The following RGS6 variants were observed in gnomAD, a reference collection of about 807,000 sequenced individuals.
RGS6 encodes the protein regulator of G protein signaling 6, also known as regulator of G-protein signaling 6.
RGS6 carries 30 observed loss-of-function variants against 78.5 expected under a neutral mutation model. The observed-to-expected ratio is 0.38, with a 90% CI of 0.29 to 0.52. The LOEUF (loss-of-function observed/expected upper bound fraction) is 0.52. Ranked by LOEUF, RGS6 falls within the 20% of genes least tolerant of loss-of-function variation. RGS6 has a pLI of 0.85. For synonymous variants in RGS6, 206 were observed against 206.0 expected, an observed-to-expected ratio of 1.00 and a Z score of 0.00; for missense variants, 495 against 609.7, an observed-to-expected ratio of 0.81 and a Z score of 1.98.
At chr14:72,468,000 A>G (rs1191276103) in intron 7 of RGS6, among the ~76,000 whole-genome samples, 1 of 152,152 alleles carries the variant, frequency 6.6e-6, no homozygotes, top group Non-Finnish European at 1.5e-5. Context: ...AATGTTTTGG[A>G]AAAAGGTCCC....
chr14:72,385,995 T>G (rs1376610188), intron 3 of RGS6, among the ~76,000 whole-genome samples: 2 of 152,112 alleles, frequency 1.3e-5, no homozygotes, highest in East Asian at 3.9e-4. Flanking sequence ...TGCTGGGGGC[T>G]GGATAAACCT....
chr14:72,445,061 TTTACC>T lies in RGS6; in HGVS notation c.185-9464_185-9460del, dbSNP rs150561928. Reference sequence around the variant, plus strand: ...AGCCTGGAGGTAAAGAGCTGAAGACTTTACCTTTCCTTCTGCCTGCTGTCCTCTTC... The same window carrying T: ...AGCCTGGAGGTAAAGAGCTGAAGACTTTTCCTTCTGCCTGCTGTCCTCTTC... On this transcript the variant is annotated intron_variant, in intron 3 of 17. Transcript: ENST00000553525. Among the ~76,000 whole-genome samples the T allele has an allele frequency of 2.6e-3, 403 of 152,348 alleles. 2 individuals are homozygous for T. Among genetic ancestry groups the T allele is most frequent in the African/African-American group, 9.4e-3 (391 of 41,584 alleles).
intron 2 of RGS6, among the ~76,000 whole-genome samples, chr14:72,171,500 C>A (rs2097018050): frequency 6.6e-6 from 1 of 152,202 alleles, no homozygotes; most frequent in African/African-American, 2.4e-5. Flanking sequence ...ACATAAGGTA[C>A]CACTGTGATC....
At chr14:72,003,414 G>C (rs557166606) in intron 2 of RGS6, among the ~76,000 whole-genome samples, 54 of 152,216 alleles carry the variant, frequency 3.5e-4, no homozygotes, top group African/African-American at 1.3e-3. Flanking sequence ...TCACAGTTTT[G>C]TGCAACTGTC....
chr14:72,428,250 G>A (rs529703814), intron 3 of RGS6, among the ~76,000 whole-genome samples: 1 of 152,302 alleles, frequency 6.6e-6, no homozygotes, highest in Admixed American at 6.5e-5. Flanking sequence ...CCAAGGATGA[G>A]GGGGAATTAG....
chr14:72,033,686 C>T (rs2091262716), intron 2 of RGS6, among the ~76,000 whole-genome samples: 1 of 152,168 alleles, frequency 6.6e-6, no homozygotes, highest in Non-Finnish European at 1.5e-5. Flanking sequence ...GAATACATAT[C>T]ACATTCACAC....
the RGS6 span, among the ~76,000 whole-genome samples, chr14:72,628,620 G>A: frequency 9.9e-5 from 15 of 151,970 alleles, no homozygotes; most frequent in Non-Finnish European, 2.2e-4. Context: ...CACCATCTAT[G>A]AAGTAGTCTT....
At chr14:72,189,481 G>A (rs949367631) in intron 2 of RGS6, among the ~76,000 whole-genome samples, 1 of 152,222 alleles carries the variant, frequency 6.6e-6, no homozygotes, top group South Asian at 2.1e-4. Context: ...TGGGAAATAG[G>A]ACTGTGTCAG....
the RGS6 span, among the ~76,000 whole-genome samples, chr14:71,876,473 C>CTTTTTTTTTTTTTTTTTTTTTTTTTT: frequency 1.4e-5 from 1 of 72,470 alleles, no homozygotes; most frequent in Admixed American, 1.9e-4. Flanking sequence ...GCAACCGCTG[C>CTTTTTTTTTTTTTTTTTTTTTTTTTT]TTTTTTTTTT....
chr14:71,978,241 G>T (rs996702157), intron 2 of RGS6, among the ~76,000 whole-genome samples: 5 of 132,858 alleles, frequency 3.8e-5, no homozygotes, highest in African/African-American at 5.4e-5. Flanking sequence ...TTTCCTAATT[G>T]AATACCCTTT....
At chr14:72,085,053 G>A (rs965104851) in intron 2 of RGS6, among the ~76,000 whole-genome samples, 1 of 152,134 alleles carries the variant, frequency 6.6e-6, no homozygotes, top group Non-Finnish European at 1.5e-5. Flanking sequence ...CAGCATGCAC[G>A]TGTGGTAATG....
At chr14:72,577,418 A>ACTG in the RGS6 span, among the ~76,000 whole-genome samples, 1 of 152,304 alleles carries the variant, frequency 6.6e-6, no homozygotes, top group Middle Eastern at 3.4e-3. Context: ...TCACCAGCTT[A>ACTG]GTGCCGACCA....
chr14:72,452,579 C>T (rs908731594), intron 3 of RGS6, among the ~76,000 whole-genome samples: 7 of 152,252 alleles, frequency 4.6e-5, no homozygotes, highest in African/African-American at 7.2e-5. Flanking sequence ...GGGCAATCCT[C>T]ATGAAGCCCC....
chr14:72,469,943 A>G, intron 7 of RGS6, 64 bp from the exon 8 acceptor site: 1 of 1,155,682 alleles, frequency 8.7e-7, no homozygotes. Flanking sequence ...TATAATAAGC[A>G]TAGGTGTCGA....
At chr14:72,373,239 G>A (rs926421414) in intron 3 of RGS6, among the ~76,000 whole-genome samples, 27 of 152,126 alleles carry the variant, frequency 1.8e-4, no homozygotes, top group Non-Finnish European at 2.9e-5. Context: ...ATGTCATAAG[G>A]GAAAAGTAAA....
chr14:72,122,956 A>C (rs2096090980), intron 2 of RGS6, among the ~76,000 whole-genome samples: 1 of 152,102 alleles, frequency 6.6e-6, no homozygotes, highest in Admixed American at 6.5e-5. Flanking sequence ...TTATGATCAC[A>C]GGGATAAGTT....
chr14:72,294,718 G>A (rs2064338337), intron 2 of RGS6, among the ~76,000 whole-genome samples: 1 of 151,924 alleles, frequency 6.6e-6, no homozygotes, highest in African/African-American at 2.4e-5. Flanking sequence ...AGGGAGAGAG[G>A]GGAGCTATCA....
chr14:72,005,710 G>T (rs12148043), intron 2 of RGS6, among the ~76,000 whole-genome samples: 4 of 151,968 alleles, frequency 2.6e-5, no homozygotes, highest in South Asian at 2.1e-4. Context: ...TCATTTGAAG[G>T]GTCCTTTGGA....
intron 2 of RGS6, among the ~76,000 whole-genome samples, chr14:72,332,023 C>T (rs2075156901): frequency 6.6e-6 from 1 of 152,096 alleles, no homozygotes; most frequent in Admixed American, 6.6e-5. Context: ...ATTTACACAC[C>T]CAGAGGTGGC....
Sources: allele counts gnomAD v4.1 joint callset (sites outside exome capture counted in the v4.1 genomes callset), GRCh38; gene constraint gnomAD v4.1.1; transcripts MANE v1.5; gene names NCBI Gene and HGNC (gene_info 2026-07-23, HGNC 2026-07-21).